LRMDA: variants seen among roughly 807,000 people sequenced by gnomAD.
The protein encoded by LRMDA is leucine-rich melanocyte differentiation-associated protein.
A neutral mutation model predicts 29.8 loss-of-function variants in LRMDA; 18 were observed. That is an observed-to-expected ratio of 0.60 (90% CI 0.42 to 0.90). The LOEUF is 0.90. Among genes scored for constraint, LRMDA ranks in the 40% least tolerant of loss-of-function variants. LRMDA has a pLI of 0.00. For missense variants in LRMDA, 273 were observed against 273.9 expected, an observed-to-expected ratio of 1.00 and a Z score of 0.02; for synonymous variants, 125 against 109.4, an observed-to-expected ratio of 1.14 and a Z score of -0.89.
intron 2 of LRMDA, among the ~76,000 whole-genome samples, chr10:75,946,980 G>A (rs562369832): frequency 2.6e-5 from 4 of 152,332 alleles, no homozygotes; most frequent in Non-Finnish European, 5.9e-5. Context: ...CTGGAAGCCT[G>A]TAGCTGGTTA....
At chr10:76,113,087 C>T (rs186369613) in intron 5 of LRMDA, among the ~76,000 whole-genome samples, 112 of 152,256 alleles carry the variant, frequency 7.4e-4, no homozygotes, top group African/African-American at 2.6e-3. Context: ...GGGCAGAAGG[C>T]ATCAGTGGGG....
At chr10:76,046,310 G>A (rs577969600) in intron 3 of LRMDA, among the ~76,000 whole-genome samples, 28 of 152,158 alleles carry the variant, frequency 1.8e-4, no homozygotes, top group Admixed American at 6.5e-4. Flanking sequence ...TATGGCTCTT[G>A]CTTTATTTGG....
chr10:75,944,267 C>A (rs1311709201), intron 2 of LRMDA, among the ~76,000 whole-genome samples: 1 of 152,118 alleles, frequency 6.6e-6, no homozygotes. Flanking sequence ...TATGGGAAGT[C>A]AATTGTCACT....
At chr10:75,731,897 C>A (rs1411908025) in intron 2 of LRMDA, among the ~76,000 whole-genome samples, 3 of 152,144 alleles carry the variant, frequency 2.0e-5, no homozygotes, top group African/African-American at 7.2e-5. Flanking sequence ...TTGAAAAAAT[C>A]CGAAGTATAT....
chr10:75,722,991 T>C (rs955808761), intron 2 of LRMDA, among the ~76,000 whole-genome samples: 2 of 152,228 alleles, frequency 1.3e-5, no homozygotes, highest in African/African-American at 4.8e-5. Flanking sequence ...TTGCATCCAA[T>C]TGATCTGATT....
At chr10:76,467,785 C>T (rs981245365) in intron 6 of LRMDA, among the ~76,000 whole-genome samples, 3 of 152,128 alleles carry the variant, frequency 2.0e-5, no homozygotes, top group African/African-American at 2.4e-5. Context: ...TGGAGCCCAT[C>T]CTCATGACAG....
chr10:75,760,745 T>C (rs1052049095), intron 2 of LRMDA, among the ~76,000 whole-genome samples: 1 of 152,202 alleles, frequency 6.6e-6, no homozygotes, highest in Admixed American at 6.5e-5. Flanking sequence ...ATCAGTGAAA[T>C]AGCTAATCCT....
chr10:75,905,234 C>CT (rs1244509925), intron 2 of LRMDA, among the ~76,000 whole-genome samples: 1 of 136,260 alleles, frequency 7.3e-6, no homozygotes, highest in African/African-American at 2.9e-5. Flanking sequence ...TCTCTCCTGC[C>CT]TCTTTTTTTT....
At chr10:75,671,133 C>T (rs910222741) in intron 2 of LRMDA, among the ~76,000 whole-genome samples, 6 of 152,094 alleles carry the variant, frequency 3.9e-5, no homozygotes, top group African/African-American at 1.4e-4. Context: ...TCAAATAAAG[C>T]AGTGAGAAAT....
At chr10:76,134,265 G>C (rs1043003308) in intron 5 of LRMDA, among the ~76,000 whole-genome samples, 4 of 152,190 alleles carry the variant, frequency 2.6e-5, no homozygotes, top group African/African-American at 9.6e-5. Context: ...TGGGAAATTG[G>C]GGCATCTGAT....
intron 2 of LRMDA, among the ~76,000 whole-genome samples, chr10:76,017,543 C>T (rs1847898434): frequency 6.6e-6 from 1 of 152,206 alleles, no homozygotes; most frequent in African/African-American, 2.4e-5. Context: ...ATGTTCTGTC[C>T]TTGGTCCTGA....
intron 2 of LRMDA, among the ~76,000 whole-genome samples, chr10:76,017,877 T>C (rs903467457): frequency 1.3e-5 from 2 of 152,190 alleles, no homozygotes; most frequent in African/African-American, 4.8e-5. Flanking sequence ...AGCTTCAACC[T>C]GCTTGATATG....
intron 6 of LRMDA, among the ~76,000 whole-genome samples, chr10:76,388,572 G>T (rs564578019): frequency 2.0e-5 from 3 of 152,272 alleles, no homozygotes; most frequent in Admixed American, 2.0e-4. Context: ...AAAGTGCAAG[G>T]TTTCATGCCC....
chr10:76,343,898 A>C (rs1243652922), intron 6 of LRMDA, among the ~76,000 whole-genome samples: 1 of 150,786 alleles, frequency 6.6e-6, no homozygotes, highest in Non-Finnish European at 1.5e-5. Flanking sequence ...GCTCACCTCA[A>C]CCTCAGCCTC....
At chr10:75,529,706 T>TA (rs1229779793) in intron 2 of LRMDA, among the ~76,000 whole-genome samples, 3 of 152,214 alleles carry the variant, frequency 2.0e-5, no homozygotes, top group African/African-American at 7.2e-5. Flanking sequence ...GAATTATCAG[T>TA]AGAGAATTCT....
intron 6 of LRMDA, among the ~76,000 whole-genome samples, chr10:76,395,311 ATATTTTC>A (rs1225998670): frequency 6.6e-6 from 1 of 152,186 alleles, no homozygotes; most frequent in Non-Finnish European, 1.5e-5. Flanking sequence ...CCTCATTATT[ATATTTTC>A]TATATAATAT....
At chr10:76,154,121 G>T (rs181653969) in intron 5 of LRMDA, among the ~76,000 whole-genome samples, 2 of 152,292 alleles carry the variant, frequency 1.3e-5, no homozygotes, top group East Asian at 3.9e-4. Flanking sequence ...TTGCTCTGTG[G>T]ATAGAACCCC....
At chr10:75,507,470 A>C (rs1845182426) in intron 2 of LRMDA, among the ~76,000 whole-genome samples, 1 of 152,226 alleles carries the variant, frequency 6.6e-6, no homozygotes, top group African/African-American at 2.4e-5. Flanking sequence ...GGCCTCTGAT[A>C]TGGTGTCCCA....
chr10:76,298,398 T>G (rs1299001374), intron 5 of LRMDA, among the ~76,000 whole-genome samples: 1 of 152,200 alleles, frequency 6.6e-6, no homozygotes, highest in African/African-American at 2.4e-5. Context: ...AGAAATAATC[T>G]GGAGTGGCTG....
Sources: gnomAD v4.1 joint callset for allele counts (sites outside exome capture counted in the v4.1 genomes callset) on GRCh38, gnomAD v4.1.1 for gene constraint, MANE v1.5 for transcripts, NCBI Gene and HGNC (gene_info 2026-07-23, HGNC 2026-07-21) for gene names.